LAMB4: variants seen among roughly 807,000 people sequenced by gnomAD.
LAMB4 encodes the protein laminin subunit beta-4.
LAMB4 carries 196 observed loss-of-function variants against 199.2 expected under a neutral mutation model. The ratio of observed to expected loss-of-function variants is 0.98; its 90% CI spans 0.88 to 1.11. The LOEUF is 1.11. Among genes scored for constraint, LAMB4 ranks in the 50% least tolerant of loss-of-function variants. The pLI is 0.00. For synonymous variants in LAMB4, 744 were observed against 770.6 expected (o/e 0.97, Z 0.57); for missense variants, 2,080 against 2,171.2 (o/e 0.96, Z 0.83).
At chr7:108,107,591 TTTAA>T in intron 6 of LAMB4, 36 bp downstream of exon 6, 1 of 1,469,036 alleles carries the variant, frequency 6.8e-7, no homozygotes, top group Non-Finnish European at 9.2e-7. Context: ...TTTTTAAAAG[TTTAA>T]TTTATACAAA....
Position 108,091,649 on chromosome 7 carries a change from T to A in LAMB4, c.1678A>T (p.Thr560Ser). The change falls in exon 14 of 34, where the codon ACA becomes TCA. Residue 560 changes from threonine to serine, a missense_variant. Physicochemically the swap from Thr to Ser is moderately conservative, Grantham distance 58. Transcript: ENST00000388781. The stretch of plus-strand genomic sequence containing the variant: ...ACCAAAGGCGCCAGTCCTTGGAGTG[T>A]TGTGGCTTCCTCTGCCTCGTAGAGA... Reference protein sequence around the residue: ...FYLYEAEEATTLQGLAPLGSE... With the variant: ...FYLYEAEEATSLQGLAPLGSE... 1 of 1,613,676 alleles carries A rather than the reference T, an allele frequency of 6.2e-7. No homozygotes were observed.
chr7:108,062,431 T>G (rs2036195296), intron 23 of LAMB4: 1 of 164,452 alleles, frequency 6.1e-6, no homozygotes, highest in Non-Finnish European at 1.3e-5. Context: ...TCATTCTGAT[T>G]CATAATCTCT....
At chr7:108,101,666 T>C (rs1463766930) in intron 10 of LAMB4, among the ~76,000 whole-genome samples, 1 of 152,044 alleles carries the variant, frequency 6.6e-6, no homozygotes, top group South Asian at 2.1e-4. Context: ...TAGGCAAAAA[T>C]GTATAGCAGT....
chr7:108,018,074 A>T, the LAMB4 span, among the ~76,000 whole-genome samples: 2 of 152,216 alleles, frequency 1.3e-5, no homozygotes, highest in Non-Finnish European at 2.9e-5. Flanking sequence ...GAGTTGGGGT[A>T]CCCGCAAAGA....
chr7:108,107,439 T>A (rs1338449487), intron 6 of LAMB4, among the ~76,000 whole-genome samples, 192 bp downstream of exon 6: 1 of 152,240 alleles, frequency 6.6e-6, no homozygotes, highest in African/African-American at 2.4e-5. Context: ...TGAGCACTCT[T>A]GTGCAGGATT....
chr7:108,044,009 T>G (rs2035531584), intron 28 of LAMB4, 113 bp from the exon 29 acceptor site: 1 of 843,144 alleles, frequency 1.2e-6, no homozygotes. Context: ...AAAAACTAAA[T>G]AAAAGTCTAG....
chr7:108,034,188 G>T lies in LAMB4; in HGVS notation c.4818+20C>A. ...TACCCTCAAAACCTATTTCAGGTTA[G>T]TTTCAAAGAAGACAAATACCTGCAG... On this transcript the variant is annotated intron_variant, in intron 31 of 33. Coordinates refer to ENST00000388781, the MANE Select transcript of LAMB4 (RefSeq NM_007356.3). 1 of 1,613,088 alleles carries T rather than the reference G, an allele frequency of 6.2e-7. No homozygotes were observed. Among genetic ancestry groups the T allele is most frequent in the South Asian group, 1.1e-5 (1 of 91,044 alleles).
intron 21 of LAMB4, among the ~76,000 whole-genome samples, chr7:108,065,033 G>A (rs563356454): frequency 6.6e-6 from 1 of 151,778 alleles, no homozygotes; most frequent in Non-Finnish European, 1.5e-5. Flanking sequence ...AGCCTCCCCA[G>A]TACCTAGGGC....
At chr7:108,088,611 A>G (rs929415868) in intron 14 of LAMB4, among the ~76,000 whole-genome samples, 1 of 152,234 alleles carries the variant, frequency 6.6e-6, no homozygotes, top group Non-Finnish European at 1.5e-5. Flanking sequence ...TGTTGAAACA[A>G]TTCTTCATAA....
At chr7:108,056,058 T>C in intron 24 of LAMB4, 51 bp from the exon 25 acceptor site, 1 of 1,518,082 alleles carries the variant, frequency 6.6e-7, no homozygotes, top group South Asian at 1.3e-5. Context: ...CTTTTGTTGA[T>C]GACTAACTCA....
At chr7:108,122,934 G>A (rs2038650464) in intron 2 of LAMB4, among the ~76,000 whole-genome samples, 197 bp downstream of exon 2, 1 of 152,130 alleles carries the variant, frequency 6.6e-6, no homozygotes, top group African/African-American at 2.4e-5. Context: ...AAAAGTGATA[G>A]AAATAGCTAT....
intron 8 of LAMB4, among the ~76,000 whole-genome samples, chr7:108,104,871 C>T (rs545408393): frequency 1.3e-5 from 2 of 151,580 alleles, no homozygotes; most frequent in African/African-American, 4.8e-5. Context: ...GTTCTAGTTT[C>T]AGGGCAGCAC....
intron 18 of LAMB4, among the ~76,000 whole-genome samples, chr7:108,069,016 C>G (rs540837590): frequency 1.6e-4 from 24 of 152,234 alleles, no homozygotes; most frequent in Admixed American, 1.2e-3. Flanking sequence ...TCCCCCTATT[C>G]CATATATTTC....
At chr7:108,020,554 C>CTTTA (rs1356499785), downstream of LAMB4, among the ~76,000 whole-genome samples, 1 of 149,920 alleles carries the variant, frequency 6.7e-6, no homozygotes, top group Non-Finnish European at 1.5e-5. Context: ...CATATAGGTT[C>CTTTA]TTTACATCCT....
At chr7:108,025,468 G>T (rs1439263180) in intron 33 of LAMB4, among the ~76,000 whole-genome samples, 1 of 124,228 alleles carries the variant, frequency 8.0e-6, no homozygotes, top group Non-Finnish European at 1.6e-5. Flanking sequence ...TGCTCTTGTT[G>T]CCCAGGCTGG....
At chr7:108,103,502 C>T (rs1426347449) in intron 9 of LAMB4, among the ~76,000 whole-genome samples, 1 of 152,214 alleles carries the variant, frequency 6.6e-6, no homozygotes, top group Non-Finnish European at 1.5e-5. Context: ...AAAAGTAAAT[C>T]ATTTCGGTGA....
chr7:108,120,662 T>C (rs763723679), intron 2 of LAMB4, among the ~76,000 whole-genome samples: 8 of 152,232 alleles, frequency 5.3e-5, no homozygotes, highest in Non-Finnish European at 7.3e-5. Context: ...CTAGGATAAA[T>C]AGCTATTCAG....
intron 7 of LAMB4, 69 bp downstream of exon 7, chr7:108,106,440 A>G (rs1343192971): frequency 2.2e-6 from 2 of 915,610 alleles, no homozygotes; most frequent in Admixed American, 2.4e-5. Context: ...AAAGAAAAGC[A>G]ATTACAAGGA....
chr7:108,046,337 T>G (rs1020615628), intron 28 of LAMB4, among the ~76,000 whole-genome samples: 1 of 151,678 alleles, frequency 6.6e-6, no homozygotes, highest in South Asian at 2.1e-4. Flanking sequence ...GTGATCCACC[T>G]GCATCGGCCT....
Sources: allele counts gnomAD v4.1 joint callset (sites outside exome capture counted in the v4.1 genomes callset), GRCh38; gene constraint gnomAD v4.1.1; transcripts MANE v1.5; gene names NCBI Gene and HGNC (gene_info 2026-07-23, HGNC 2026-07-21).